CRACDL: variants seen among roughly 807,000 people sequenced by gnomAD.
CRACDL encodes CRACD like.
CRACDL carries 26 observed loss-of-function variants against 70.6 expected under a neutral mutation model. That is an observed-to-expected ratio of 0.37 (90% CI 0.27 to 0.51). The LOEUF is 0.51. Among genes scored for constraint, CRACDL ranks in the 20% least tolerant of loss-of-function variants. The probability of loss-of-function intolerance (pLI) is 0.94; values close to 1 mark genes in which losing one functional copy is unlikely to be tolerated. For missense variants in CRACDL, 1,283 were observed against 1,376.9 expected (o/e 0.93, Z 1.08); for synonymous variants, 618 against 615.2 (o/e 1.00, Z -0.07).
chr2:98,823,683 C>A lies in CRACDL; in HGVS notation c.736-146G>T. On this transcript the variant is annotated intron_variant, in intron 6 of 9. Transcript: ENST00000397899. This position sits in a 1 kb window ranked among gnomAD's most constrained non-coding sequence, Gnocchi z 4.0. ...TAAGTAGGCATGTACCCACGGGTGT[C>A]TTTTCTCAGTCTGTATCCTACTGGT... 2.0e-6 allele frequency: 2 copies of A among 984,110 alleles called. No homozygotes were observed. Among genetic ancestry groups the A allele is most frequent in the Non-Finnish European group, 3.0e-6 (2 of 658,374 alleles). The allele number at this position is 984,110 out of a possible 1,614,324, so 61.0% of individuals were successfully genotyped here.
intron 7 of CRACDL, among the ~76,000 whole-genome samples, chr2:98,812,844 G>A (rs1375602690): frequency 6.6e-6 from 1 of 151,808 alleles, no homozygotes; most frequent in Non-Finnish European, 1.5e-5. Context: ...TAGGTCTTTT[G>A]CAAAGCAAAA....
intron 7 of CRACDL, among the ~76,000 whole-genome samples, chr2:98,806,063 T>A (rs879865878): frequency 6.6e-6 from 1 of 152,214 alleles, no homozygotes; most frequent in Admixed American, 6.5e-5. Context: ...AGTGGCAGCA[T>A]TTATTTACGA....
At chr2:98,909,995 C>T (rs935536888) in intron 1 of CRACDL, among the ~76,000 whole-genome samples, 3 of 152,174 alleles carry the variant, frequency 2.0e-5, no homozygotes, top group Non-Finnish European at 4.4e-5. Context: ...CGGATTAGTA[C>T]ATCATGAGTA....
chr2:98,795,077 A>ATATATATATATTTTTTTTT lies in CRACDL; in HGVS notation c.2750-407_2750-406insAAAAAAAAATATATATATA. Among the ~76,000 whole-genome samples the ATATATATATATTTTTTTTT allele has an allele frequency of 3.1e-3, 178 of 58,140 alleles. 1 individual carries two copies. The highest frequency in any genetic ancestry group is 4.7e-3 in the Non-Finnish European group (148 of 31,778). 38.1% of individuals were successfully genotyped at this position (58,140 alleles called of 152,430 possible). A position where few individuals can be genotyped will look rare whatever the true frequency, so the allele number is the denominator to read the frequency against. On this transcript the variant is annotated intron_variant, in intron 9 of 9. Transcript: ENST00000397899. Reference sequence around the variant, plus strand: ...TATATATATATATATATATATATATATTTTTTTTTTTTTTTGAGACAGAAG... The same window carrying ATATATATATATTTTTTTTT: ...TATATATATATATATATATATATATATATATATATATTTTTTTTTTTTTTTTTTTTTTTTGAGACAGAAG...
intron 1 of CRACDL, among the ~76,000 whole-genome samples, chr2:98,860,708 T>G (rs1047173891): frequency 1.3e-5 from 2 of 152,194 alleles, no homozygotes; most frequent in African/African-American, 4.8e-5. Context: ...CATTTTAGGT[T>G]AGGCAATAAT....
chr2:98,820,552 A>C (rs992813804), intron 7 of CRACDL, among the ~76,000 whole-genome samples: 2 of 152,308 alleles, frequency 1.3e-5, no homozygotes, highest in Middle Eastern at 6.8e-3. Flanking sequence ...ACAACAACAA[A>C]AACAACAAAA....
chr2:98,834,995 A>G (rs562680621), intron 3 of CRACDL, among the ~76,000 whole-genome samples: 4 of 152,344 alleles, frequency 2.6e-5, no homozygotes, highest in South Asian at 2.1e-4. Context: ...ATTATAAGAC[A>G]GTGTGCAGAA....
At chr2:98,929,325 A>G (rs1403987796) in intron 1 of CRACDL, among the ~76,000 whole-genome samples, 1 of 152,166 alleles carries the variant, frequency 6.6e-6, no homozygotes, top group Non-Finnish European at 1.5e-5. Context: ...ATGCCCTTGG[A>G]CCTGGTGTGG....
intron 7 of CRACDL, among the ~76,000 whole-genome samples, chr2:98,800,130 T>C (rs1704011531): frequency 6.6e-6 from 1 of 152,232 alleles, no homozygotes; most frequent in African/African-American, 2.4e-5. Context: ...CGACCTTATA[T>C]TTGAGGTGGG....
At chr2:98,924,064 T>C (rs1248749580) in intron 1 of CRACDL, among the ~76,000 whole-genome samples, 3 of 152,232 alleles carry the variant, frequency 2.0e-5, no homozygotes, top group Non-Finnish European at 4.4e-5. Flanking sequence ...GAAGTGTTTA[T>C]TTAGGAATTG....
chr2:98,851,925 TA>T (rs1472441440), intron 1 of CRACDL, among the ~76,000 whole-genome samples: 2 of 152,192 alleles, frequency 1.3e-5, no homozygotes, highest in African/African-American at 4.8e-5. Flanking sequence ...TCTTTTTTAT[TA>T]TTTTTTAGTT....
At chr2:98,820,667 A>G (rs1473853531) in intron 7 of CRACDL, among the ~76,000 whole-genome samples, 1 of 152,264 alleles carries the variant, frequency 6.6e-6, no homozygotes, top group African/African-American at 2.4e-5. Flanking sequence ...TCAAAGACAG[A>G]GAAAGGTCAT....
chr2:98,873,576 C>T (rs761798741), intron 1 of CRACDL, among the ~76,000 whole-genome samples: 13 of 152,240 alleles, frequency 8.5e-5, no homozygotes, highest in African/African-American at 1.9e-4. Flanking sequence ...AGGAAATAGG[C>T]GAGAGGATCC....
Position 98,839,680 on chromosome 2 carries a change from TG to T in CRACDL, c.71-1394del, listed in dbSNP as rs1433538489. Among the ~76,000 whole-genome samples the T allele has an allele frequency of 2.0e-5, 3 of 152,380 alleles. No homozygotes were observed. In the South Asian group the frequency reaches 6.2e-4, roughly 32 times the overall value. On this transcript the variant is annotated intron_variant, in intron 2 of 9. Transcript: ENST00000397899. Reference sequence around the variant, plus strand: ...CTATATTTCTTCTCCTACTAGGCTTTGTAATTCGATTTCTTTAATGGTGACA... The same window carrying T: ...CTATATTTCTTCTCCTACTAGGCTTTTAATTCGATTTCTTTAATGGTGACA...
intron 1 of CRACDL, among the ~76,000 whole-genome samples, chr2:98,916,100 CCTAATTATCAAGTG>C (rs1708658753): frequency 6.6e-6 from 1 of 152,228 alleles, no homozygotes; most frequent in African/African-American, 2.4e-5. Flanking sequence ...GGGAGACTTT[CCTAATTATCAAGTG>C]ATTCATTGGA....
chr2:98,854,653 G>C (rs1289725353), intron 1 of CRACDL, among the ~76,000 whole-genome samples: 1 of 152,080 alleles, frequency 6.6e-6, no homozygotes, highest in Non-Finnish European at 1.5e-5. Context: ...ACAATCCCCT[G>C]CCTTAAACTT....
intron 1 of CRACDL, among the ~76,000 whole-genome samples, chr2:98,854,860 C>G (rs1196689320): frequency 1.3e-5 from 2 of 152,142 alleles, no homozygotes; most frequent in Non-Finnish European, 2.9e-5. Flanking sequence ...TGATCCAGGA[C>G]TGGAGAATGA....
intron 2 of CRACDL, among the ~76,000 whole-genome samples, chr2:98,844,646 C>G (rs1045637727): frequency 6.6e-6 from 1 of 152,206 alleles, no homozygotes; most frequent in Admixed American, 6.5e-5. Flanking sequence ...CTGGAGACTT[C>G]GACATATGGA....
intron 3 of CRACDL, among the ~76,000 whole-genome samples, chr2:98,836,912 C>T (rs1705810399): frequency 6.6e-6 from 1 of 152,014 alleles, no homozygotes; most frequent in Admixed American, 6.6e-5. Context: ...GAAATCCCGT[C>T]TCTGCTGAAA....
Sources: allele counts gnomAD v4.1 joint callset (sites outside exome capture counted in the v4.1 genomes callset), GRCh38; gene constraint gnomAD v4.1.1; non-coding constraint Gnocchi (gnomAD v3.1); transcripts MANE v1.5; gene names NCBI Gene and HGNC (gene_info 2026-07-23, HGNC 2026-07-21).